The following ZMIZ1 variants were observed in gnomAD, a reference collection of about 807,000 sequenced individuals.
The protein encoded by ZMIZ1 is zinc finger MIZ-type containing 1, also known as zinc finger MIZ domain-containing protein 1.
ZMIZ1 carries 17 observed loss-of-function variants against 113.9 expected under a neutral mutation model. The ratio of observed to expected loss-of-function variants is 0.15; its 90% CI spans 0.10 to 0.22. The LOEUF (loss-of-function observed/expected upper bound fraction) is 0.22. Among genes scored for constraint, ZMIZ1 ranks in the 10% least tolerant of loss-of-function variants. The pLI is 1.00. For synonymous variants in ZMIZ1, 607 were observed against 603.1 expected (o/e 1.01, Z -0.09); for missense variants, 1,059 against 1,477.8 (o/e 0.72, Z 4.65).
At chr10:79,173,821 TCA>T (rs1247377150) in intron 4 of ZMIZ1, among the ~76,000 whole-genome samples, 3 of 152,310 alleles carry the variant, frequency 2.0e-5, no homozygotes, top group African/African-American at 7.2e-5. Flanking sequence ...ATGCTCGTGA[TCA>T]CACAGCCACT....
intron 7 of ZMIZ1, among the ~76,000 whole-genome samples, chr10:79,232,780 C>T (rs762011665): frequency 6.6e-6 from 1 of 152,242 alleles, no homozygotes; most frequent in South Asian, 2.1e-4. Flanking sequence ...GGTGCAGGTG[C>T]GGAAGGAATG....
intron 1 of ZMIZ1, among the ~76,000 whole-genome samples, chr10:79,085,458 C>G (rs1197361555): frequency 1.3e-5 from 2 of 152,246 alleles, no homozygotes; most frequent in African/African-American, 4.8e-5. Context: ...ACGCCCCACC[C>G]TGACTCCTGC....
At chr10:79,243,719 G>C (rs757044986) in intron 7 of ZMIZ1, 1 of 292,054 alleles carries the variant, frequency 3.4e-6, no homozygotes, top group Non-Finnish European at 6.7e-6. Context: ...GGGCGGGATC[G>C]CGACCGGTGC....
intron 5 of ZMIZ1, among the ~76,000 whole-genome samples, chr10:79,205,382 C>T (rs1848275393): frequency 6.6e-6 from 1 of 152,236 alleles, no homozygotes; most frequent in Non-Finnish European, 1.5e-5. Flanking sequence ...GGCTCACCAT[C>T]CTTTGGACAG....
intron 7 of ZMIZ1, among the ~76,000 whole-genome samples, chr10:79,218,536 G>C (rs1848829166): frequency 6.6e-6 from 1 of 151,782 alleles, no homozygotes; most frequent in Non-Finnish European, 1.5e-5. Context: ...TATACTTCTT[G>C]ACCCCTAGTC....
intron 7 of ZMIZ1, among the ~76,000 whole-genome samples, chr10:79,220,604 C>T (rs1848926157): frequency 6.6e-6 from 1 of 152,218 alleles, no homozygotes; most frequent in African/African-American, 2.4e-5. Context: ...CAGTTCTGCC[C>T]TCCCAGGGCT....
chr10:79,291,191 C>A lies in ZMIZ1; in HGVS notation c.758+15C>A, dbSNP rs893193176. 1.3e-6 allele frequency: 2 copies of A among 1,587,574 alleles called. No homozygotes were observed. Among genetic ancestry groups the A allele is most frequent in the African/African-American group, 2.7e-5 (2 of 74,304 alleles). ...TTTGGGGCCAGGTGAGCAGGGCTGA[C>A]CTGTGGCAGAAGCCATGGACGCCAC... On this transcript the variant is annotated intron_variant, in intron 10 of 24. Transcript: ENST00000334512.
intron 7 of ZMIZ1, among the ~76,000 whole-genome samples, chr10:79,225,706 G>T (rs1589447161): frequency 6.6e-6 from 1 of 152,246 alleles, no homozygotes; most frequent in Non-Finnish European, 1.5e-5. Context: ...AGCTGAGGTT[G>T]CAGTGGTTCT....
At chr10:79,165,968 G>GTCTGGGCTCTCCCTGCAGCTCAGC (rs1564692785) in intron 4 of ZMIZ1, among the ~76,000 whole-genome samples, 5 of 146,834 alleles carry the variant, frequency 3.4e-5, no homozygotes, top group African/African-American at 1.1e-4. Context: ...GTGTGTGTGT[G>GTCTGGGCTCTCCCTGCAGCTCAGC]TGTGTGTGTG....
intron 2 of ZMIZ1, among the ~76,000 whole-genome samples, chr10:79,131,413 C>G (rs1273394332): frequency 1.3e-5 from 2 of 152,224 alleles, no homozygotes; most frequent in Non-Finnish European, 2.9e-5. Context: ...TCTCCCTCTT[C>G]TCTGAGCTGT....
intron 1 of ZMIZ1, among the ~76,000 whole-genome samples, chr10:79,077,539 T>C (rs945862005): frequency 1.3e-5 from 2 of 152,034 alleles, no homozygotes; most frequent in African/African-American, 4.8e-5. Context: ...CATCGAAAAA[T>C]GCTTTGGTGT....
At chr10:79,160,381 T>G (rs931302429) in intron 3 of ZMIZ1, among the ~76,000 whole-genome samples, 2 of 152,206 alleles carry the variant, frequency 1.3e-5, no homozygotes, top group Admixed American at 1.3e-4. Context: ...CCAGCACTCA[T>G]GGAGCCCAGC....
At chr10:79,224,536 C>G (rs767194182) in intron 7 of ZMIZ1, among the ~76,000 whole-genome samples, 7 of 152,126 alleles carry the variant, frequency 4.6e-5, no homozygotes, top group Non-Finnish European at 8.8e-5. Flanking sequence ...CTGGGCCGAG[C>G]CAGTGGGTAC....
intron 4 of ZMIZ1, among the ~76,000 whole-genome samples, chr10:79,163,707 A>C (rs1018339471): frequency 5.3e-5 from 8 of 152,218 alleles, no homozygotes; most frequent in East Asian, 1.9e-4. Flanking sequence ...GCCCCAGGAC[A>C]AGCATGGGAG....
intron 3 of ZMIZ1, 49 bp downstream of exon 3, chr10:79,139,826 C>A (rs1310231192): frequency 2.5e-6 from 1 of 398,572 alleles, no homozygotes; most frequent in Non-Finnish European, 4.4e-6. Context: ...TTTGCCTAAG[C>A]CTGGGCAGGG....
chr10:79,245,302 A>G (rs1252227647), intron 7 of ZMIZ1, among the ~76,000 whole-genome samples: 1 of 152,204 alleles, frequency 6.6e-6, no homozygotes, highest in Non-Finnish European at 1.5e-5. Flanking sequence ...TGTGCCCGAG[A>G]TCATCCAGTT....
chr10:79,142,774 C>T (rs1056627538), intron 3 of ZMIZ1, among the ~76,000 whole-genome samples: 5 of 152,230 alleles, frequency 3.3e-5, no homozygotes, highest in Admixed American at 3.3e-4. Context: ...CCACTTTCTT[C>T]AGCTAGCACT....
intron 7 of ZMIZ1, among the ~76,000 whole-genome samples, chr10:79,249,823 A>G (rs753736472): frequency 5.4e-4 from 82 of 151,892 alleles, no homozygotes; most frequent in Non-Finnish European, 7.5e-4. Context: ...TTTCCCCCCA[A>G]TGCACGAGGG....
Position 79,314,243 on chromosome 10 carries a change from A to G in ZMIZ1, c.*1494A>G, listed in dbSNP as rs771147502. 1 of 457,060 alleles carries G rather than the reference A, an allele frequency of 2.2e-6. No homozygotes were observed. Among genetic ancestry groups the G allele is most frequent in the Non-Finnish European group, 4.4e-6 (1 of 227,018 alleles). The allele number at this position is 457,060 out of a possible 1,614,324, so 28.3% of individuals were successfully genotyped here. The stretch of plus-strand genomic sequence containing the variant: ...CAGGCTGGTCTGTGCCCCGTGAGCC[A>G]CATGGCCTAGGGTGATGCCAGGTTG... On this transcript the variant is annotated 3_prime_UTR_variant, in exon 25 of 25. Transcript: ENST00000334512.
Sources: gnomAD v4.1 joint callset for allele counts (sites outside exome capture counted in the v4.1 genomes callset) on GRCh38, gnomAD v4.1.1 for gene constraint, MANE v1.5 for transcripts, NCBI Gene and HGNC (gene_info 2026-07-23, HGNC 2026-07-21) for gene names.